The following TBC1D19 variants were observed in gnomAD, a reference collection of about 807,000 sequenced individuals.
TBC1D19 encodes the protein TBC1 domain family member 19.
In TBC1D19, 60 loss-of-function variants were observed where a neutral mutation model predicts 89.0. That is an observed-to-expected ratio of 0.67 (90% CI 0.55 to 0.84). The LOEUF is 0.84. Among genes scored for constraint, TBC1D19 ranks in the 40% least tolerant of loss-of-function variants. The probability of loss-of-function intolerance (pLI) is 0.00; values close to 1 mark genes in which losing one functional copy is unlikely to be tolerated. For missense variants in TBC1D19, 500 were observed against 610.8 expected (o/e 0.82, Z 1.91); for synonymous variants, 189 against 199.7 (o/e 0.95, Z 0.45).
intron 13 of TBC1D19, among the ~76,000 whole-genome samples, chr4:26,714,881 A>G (rs1335814160): frequency 6.6e-6 from 1 of 152,064 alleles, no homozygotes; most frequent in Non-Finnish European, 1.5e-5. Flanking sequence ...CTCACAGAGC[A>G]TCATGGTAAA....
At chr4:26,609,927 T>C (rs1306418836) in intron 1 of TBC1D19, among the ~76,000 whole-genome samples, 2 of 152,066 alleles carry the variant, frequency 1.3e-5, no homozygotes, top group Non-Finnish European at 2.9e-5. Flanking sequence ...CCGCTTGCAA[T>C]GTAATGAGAT....
chr4:26,603,517 G>T (rs552998969), intron 1 of TBC1D19, among the ~76,000 whole-genome samples: 159 of 152,128 alleles, frequency 1.0e-3, no homozygotes, highest in African/African-American at 3.6e-3. Context: ...ATCTGAAAAA[G>T]AATATTAAAA....
chr4:26,638,015 T>C (rs886709906), intron 5 of TBC1D19, among the ~76,000 whole-genome samples: 1 of 152,198 alleles, frequency 6.6e-6, no homozygotes, highest in African/African-American at 2.4e-5. Context: ...GGTATTAACG[T>C]AGGAAACGAA....
At chr4:26,678,739 A>C (rs1435693341) in intron 11 of TBC1D19, among the ~76,000 whole-genome samples, 1 of 152,222 alleles carries the variant, frequency 6.6e-6, no homozygotes, top group Non-Finnish European at 1.5e-5. Context: ...AACACCTTAC[A>C]GTAAAGATCT....
In TBC1D19 at chr4:26,691,477, C is replaced by T. The variant is rs1012419911; in HGVS notation, c.954+3070C>T. On this transcript the variant is annotated intron_variant, in intron 13 of 20. Coordinates refer to ENST00000264866, the MANE Select transcript of TBC1D19 (RefSeq NM_018317.4). ...TATTTTAAGAAACTGCCACAGCTGC[C>T]CCAATGTTCAGCAGCCACCACCCTG... 2.6e-5 allele frequency among the ~76,000 whole-genome samples: 4 copies of T among 152,246 alleles called. No individual in the cohort carries two copies. The East Asian group carries it at 5.8e-4, about 22-fold the overall frequency.
chr4:26,847,676 C>A, the TBC1D19 span, among the ~76,000 whole-genome samples: 1 of 152,128 alleles, frequency 6.6e-6, no homozygotes, highest in Non-Finnish European at 1.5e-5. Flanking sequence ...AGAACATGAC[C>A]TCTTGCAGAT....
intron 1 of TBC1D19, among the ~76,000 whole-genome samples, chr4:26,578,398 T>C (rs1430736044): frequency 6.6e-6 from 1 of 152,158 alleles, no homozygotes; most frequent in African/African-American, 2.4e-5. Flanking sequence ...ATTGCAGCCG[T>C]CCTATTCTCA....
At chr4:26,743,128 A>G in intron 18 of TBC1D19, among the ~76,000 whole-genome samples, 1 of 152,106 alleles carries the variant, frequency 6.6e-6, no homozygotes, top group East Asian at 1.9e-4. Flanking sequence ...GAATATGTAT[A>G]GTATCTCTGG....
At chr4:26,852,051 T>C in the TBC1D19 span, among the ~76,000 whole-genome samples, 2 of 152,256 alleles carry the variant, frequency 1.3e-5, no homozygotes, top group Non-Finnish European at 2.9e-5. Context: ...TCCAATTACT[T>C]ACTGATGTTT....
At chr4:26,852,474 T>C in the TBC1D19 span, among the ~76,000 whole-genome samples, 2 of 152,170 alleles carry the variant, frequency 1.3e-5, no homozygotes, top group Non-Finnish European at 2.9e-5. Context: ...GGAGGATCCA[T>C]TGAGCCCGAG....
At chr4:26,705,344 A>G (rs781361659) in intron 13 of TBC1D19, among the ~76,000 whole-genome samples, 1 of 152,192 alleles carries the variant, frequency 6.6e-6, no homozygotes, top group Non-Finnish European at 1.5e-5. Flanking sequence ...TATTGTATCC[A>G]AGAGATCACC....
chr4:26,786,131 A>G, the TBC1D19 span, among the ~76,000 whole-genome samples: 1 of 152,158 alleles, frequency 6.6e-6, no homozygotes, highest in Non-Finnish European at 1.5e-5. Context: ...GACTTTGGCA[A>G]AAGACCCTTC....
intron 13 of TBC1D19, 64 bp from the exon 14 acceptor site, chr4:26,717,869 A>G (rs1424310018): frequency 3.0e-6 from 4 of 1,352,470 alleles, no homozygotes; most frequent in East Asian, 2.3e-5. Flanking sequence ...TGAGTAGGAA[A>G]TAATGAATTA....
At chr4:26,818,145 C>CA in the TBC1D19 span, among the ~76,000 whole-genome samples, 7 of 151,778 alleles carry the variant, frequency 4.6e-5, no homozygotes, top group East Asian at 1.9e-4. Context: ...TGCCACAACA[C>CA]AAAAAAACAA....
At chr4:26,813,829 C>T in the TBC1D19 span, among the ~76,000 whole-genome samples, 1 of 152,188 alleles carries the variant, frequency 6.6e-6, no homozygotes, top group African/African-American at 2.4e-5. Context: ...GCAGGCTTCC[C>T]TGATGGCCAG....
At chr4:26,732,152 A>G (rs1422401353) in intron 15 of TBC1D19, among the ~76,000 whole-genome samples, 2 of 152,204 alleles carry the variant, frequency 1.3e-5, no homozygotes, top group Non-Finnish European at 2.9e-5. Context: ...TTGATAAGAT[A>G]CACCCACCCC....
At chr4:26,598,953 A>G (rs1053538043) in intron 1 of TBC1D19, among the ~76,000 whole-genome samples, 1 of 138,752 alleles carries the variant, frequency 7.2e-6, no homozygotes, top group African/African-American at 3.5e-5. Flanking sequence ...GACAAAATAG[A>G]AAGTTGGGCA....
chr4:26,651,931 G>A (rs911821336), intron 7 of TBC1D19, among the ~76,000 whole-genome samples: 25 of 152,124 alleles, frequency 1.6e-4, no homozygotes, highest in Admixed American at 1.5e-3. Flanking sequence ...AAGTGTTGTT[G>A]AATTTTGTCC....
intron 6 of TBC1D19, 50 bp from the exon 7 acceptor site, chr4:26,640,091 C>G (rs994956951): frequency 1.2e-5 from 15 of 1,217,676 alleles, no homozygotes; most frequent in Non-Finnish European, 1.8e-5. Flanking sequence ...ATTTAATAAG[C>G]CTTCATATAT....
Sources: allele counts gnomAD v4.1 joint callset (sites outside exome capture counted in the v4.1 genomes callset), GRCh38; gene constraint gnomAD v4.1.1; transcripts MANE v1.5; gene names NCBI Gene and HGNC (gene_info 2026-07-23, HGNC 2026-07-21).